RB1: variants seen among roughly 807,000 people sequenced by gnomAD.
RB1 encodes the protein retinoblastoma-associated protein.
In RB1, 18 loss-of-function variants were observed where a neutral mutation model predicts 135.4. The ratio of observed to expected loss-of-function variants is 0.13; its 90% CI spans 0.09 to 0.20. The LOEUF (loss-of-function observed/expected upper bound fraction) is 0.20. Ranked by LOEUF, RB1 falls within the 10% of genes least tolerant of loss-of-function variation. RB1 has a pLI of 1.00. For missense variants in RB1, 868 were observed against 1,110.0 expected (o/e 0.78, Z 3.10); for synonymous variants, 365 against 373.2 (o/e 0.98, Z 0.25).
At position 48,380,209 on chromosome 13, in the gene RB1, G is replaced by C. The variant is rs1131690877; in HGVS notation, c.1466G>C (p.Cys489Ser). 1 of 1,605,642 alleles carries C rather than the reference G, an allele frequency of 6.2e-7. No individual in the cohort carries two copies. Among genetic ancestry groups the C allele is most frequent in the Non-Finnish European group, 8.5e-7 (1 of 1,175,594 alleles). Residue 489 changes from cysteine (C) to serine (S), a missense_variant, in exon 16 of 27, where the codon TGC becomes TCC. Cys to Ser is a moderately radical substitution (Grantham distance 112). Around this residue, in one of 3 missense-constraint regions of RB1, gnomAD observed 641 missense variants for 791.3 expected, o/e 0.81. Transcript: ENST00000267163. ...DNIFHMSLLA[C>S]ALEVVMATYS... ...ATTTTTCATATGTCTTTATTGGCGT[G>C]CGCTCTTGAGGTTGTAATGGCCACA...
At chr13:48,429,514 T>A (rs1949108747) in intron 17 of RB1, 1 of 152,014 alleles carries the variant, frequency 6.6e-6, no homozygotes. Context: ...CATTTTTCTG[T>A]CCTCACCCTG....
intron 2 of RB1, among the ~76,000 whole-genome samples, chr13:48,332,079 G>C (rs1271185716): frequency 1.3e-5 from 2 of 152,206 alleles, no homozygotes; most frequent in Non-Finnish European, 2.9e-5. Context: ...CCTGCCATTT[G>C]CAAGAACACG....
intron 2 of RB1, among the ~76,000 whole-genome samples, chr13:48,324,429 A>ATTTTTTT (rs770346287): frequency 1.8e-5 from 1 of 55,802 alleles, no homozygotes; most frequent in African/African-American, 8.6e-5. Context: ...CATGAGTTCA[A>ATTTTTTT]TATTTTTTTT....
chr13:48,342,481 T>A, intron 2 of RB1, 118 bp from the exon 3 acceptor site: 1 of 689,374 alleles, frequency 1.5e-6, no homozygotes, highest in Non-Finnish European at 2.6e-6. Flanking sequence ...ATATACAGTA[T>A]TACAAACATT....
chr13:48,463,638 C>A lies in RB1; in HGVS notation c.2107-93C>A, dbSNP rs997004624. On this transcript the variant is annotated intron_variant, in intron 20 of 26. Coordinates refer to ENST00000267163, the MANE Select transcript of RB1 (RefSeq NM_000321.3). The stretch of plus-strand genomic sequence containing the variant: ...AAATAACTCTGTAGATTAAACCTTT[C>A]TTTTTTGAGGCTAAAAGAAAGAAAA... 3.5e-6 allele frequency: 3 copies of A among 852,064 alleles called. No individual in the cohort carries two copies. The African/African-American group carries it at 5.0e-5, about 14-fold the overall frequency. 52.8% of individuals were successfully genotyped at this position (852,064 alleles called of 1,614,324 possible).
chr13:48,456,114 A>G, intron 18 of RB1, 90 bp from the exon 19 acceptor site: 1 of 1,572,974 alleles, frequency 6.4e-7, no homozygotes, highest in Non-Finnish European at 8.6e-7. Context: ...AATAGACAAG[A>G]TGTATCTGGG....
Position 48,319,422 on chromosome 13 carries a change from G to T in RB1, c.264+12016G>T, listed in dbSNP as rs909012885. Reference sequence around the variant, plus strand: ...GCTGCTGGAGTCTGACGCCTCGGGCGCCTGCGCCGCACTTGTGACTTGCTT... The same window carrying T: ...GCTGCTGGAGTCTGACGCCTCGGGCTCCTGCGCCGCACTTGTGACTTGCTT... On this transcript the variant is annotated intron_variant, in intron 2 of 26. Coordinates refer to ENST00000267163, the MANE Select transcript of RB1 (RefSeq NM_000321.3). The surrounding 1 kb of genome is among the most constrained non-coding windows in gnomAD (Gnocchi z 5.0). The T allele has an allele frequency of 1.6e-5, 6 of 375,558 alleles. No individual in the cohort carries two copies. The highest frequency in any genetic ancestry group is 3.0e-5 in the Non-Finnish European group (6 of 200,080). The allele number at this position is 375,558 out of a possible 1,614,324, so 23.3% of individuals were successfully genotyped here.
chr13:48,333,158 T>C (rs1326887447), intron 2 of RB1: 2 of 397,314 alleles, frequency 5.0e-6, no homozygotes, highest in Non-Finnish European at 8.9e-6. Flanking sequence ...ACACCTTAAA[T>C]ATAAACTTTT....
At chr13:48,311,910 TAGTC>T (rs1208596216) in intron 2 of RB1, among the ~76,000 whole-genome samples, 4 of 152,206 alleles carry the variant, frequency 2.6e-5, no homozygotes, top group South Asian at 2.1e-4. Context: ...TTCACCGTGT[TAGTC>T]AGGCTGGTCT....
At chr13:48,386,148 A>T (rs576135746) in intron 17 of RB1, among the ~76,000 whole-genome samples, 1 of 152,114 alleles carries the variant, frequency 6.6e-6, no homozygotes, top group Admixed American at 6.5e-5. Context: ...TCAAAAAAAT[A>T]AAAAATAAAA....
intron 2 of RB1, chr13:48,333,182 G>T: frequency 2.5e-6 from 1 of 395,438 alleles, no homozygotes. Context: ...TTTGTCAATT[G>T]TACCTCCATA....
chr13:48,337,581 G>T (rs198629), intron 2 of RB1, among the ~76,000 whole-genome samples: 118,825 of 152,028 alleles, frequency 0.78, 52,209 homozygotes, highest in Non-Finnish European at 0.97. Context: ...GTCTCTGCAC[G>T]TGAGATGGAT....
intron 11 of RB1, among the ~76,000 whole-genome samples, chr13:48,372,376 C>G (rs772136880): frequency 6.6e-6 from 1 of 152,038 alleles, no homozygotes; most frequent in Non-Finnish European, 1.5e-5. Context: ...ATTTGAAAGA[C>G]GAGGCTGGGT....
chr13:48,421,124 C>G (rs111782262), intron 17 of RB1, among the ~76,000 whole-genome samples: 5 of 152,326 alleles, frequency 3.3e-5, no homozygotes, highest in Middle Eastern at 6.8e-3. Flanking sequence ...TGCTACCTGA[C>G]TTCAAACTAT....
At chr13:48,379,061 A>G (rs987836878) in intron 13 of RB1, among the ~76,000 whole-genome samples, 2 of 152,172 alleles carry the variant, frequency 1.3e-5, no homozygotes, top group Non-Finnish European at 2.9e-5. Context: ...AGTTTTACTA[A>G]ATTTATGGAC....
intron 2 of RB1, among the ~76,000 whole-genome samples, chr13:48,313,745 C>CTTTTTTTTTTTTTTTTTTTTTT (rs56131979): frequency 2.0e-5 from 2 of 101,954 alleles, no homozygotes; most frequent in Non-Finnish European, 3.6e-5. Context: ...TATGTTTATT[C>CTTTTTTTTTTTTTTTTTTTTTT]TTTTTTTTTT....
In RB1 at chr13:48,303,953, C is replaced by T. The variant is rs1952052497; in HGVS notation, c.41C>T (p.Ala14Val). The stretch of plus-strand genomic sequence containing the variant: ...CCCCGAAAAACGGCCGCCACCGCCG[C>T]CGCTGCCGCCGCGGAACCCCCGGCA... ...KTPRKTAATA[A>V]AAAAEPPAPP... Residue 14 changes from alanine (A) to valine (V), a missense_variant, in exon 1 of 27, where the codon GCC (alanine) becomes GTC (valine). By Grantham distance (64) the Ala-to-Val change is moderately conservative (BLOSUM62 0). Coordinates refer to ENST00000267163, the MANE Select transcript of RB1 (RefSeq NM_000321.3). The T allele has an allele frequency of 1.3e-6, 2 of 1,503,556 alleles. No individual in the cohort carries two copies. The highest frequency in any genetic ancestry group is 2.7e-5 in the East Asian group (1 of 37,568). 93.1% of individuals were successfully genotyped at this position (1,503,556 alleles called of 1,614,324 possible). A position where few individuals can be genotyped will look rare whatever the true frequency, so the allele number is the denominator to read the frequency against.
rs143112314 is a variant in RB1, at chr13:48,366,019, T to C, written c.939+1048T>C. On this transcript the variant is annotated intron_variant, in intron 9 of 26. Coordinates refer to ENST00000267163, the MANE Select transcript of RB1 (RefSeq NM_000321.3). ...ATTACAGATATAGCATTTCCAAGGG[T>C]TGGACATTGTAGATTCAAAGGTGCA... Among the ~76,000 whole-genome samples, 841 of 152,302 alleles carry C rather than the reference T, an allele frequency of 5.5e-3. 14 individuals are homozygous for C. The highest frequency in any genetic ancestry group is 0.019 in the African/African-American group (800 of 41,562).
chr13:48,471,885 C>T (rs1183193421), intron 23 of RB1, among the ~76,000 whole-genome samples: 13 of 152,182 alleles, frequency 8.5e-5, no homozygotes, highest in Admixed American at 8.5e-4. Flanking sequence ...CCTAATCCTG[C>T]TGGCGGCCTC....
Sources: allele counts gnomAD v4.1 joint callset (sites outside exome capture counted in the v4.1 genomes callset), GRCh38; gene constraint gnomAD v4.1.1; regional missense constraint gnomAD v4.1.1; non-coding constraint Gnocchi (gnomAD v3.1); transcripts MANE v1.5; gene names NCBI Gene and HGNC (gene_info 2026-07-23, HGNC 2026-07-21).